NFKBIZ: variants seen among roughly 807,000 people sequenced by gnomAD.
The protein encoded by NFKBIZ is NF-kappa-B inhibitor zeta.
Under a neutral mutation model 76.8 loss-of-function variants are expected in NFKBIZ, and 19 were observed. That is an observed-to-expected ratio of 0.25 (90% CI 0.17 to 0.36). NFKBIZ has a LOEUF of 0.36. Among genes scored for constraint, NFKBIZ ranks in the 10% least tolerant of loss-of-function variants. The pLI is 1.00. For missense variants in NFKBIZ, 829 were observed against 910.9 expected (o/e 0.91, Z 1.16); for synonymous variants, 368 against 354.8 (o/e 1.04, Z -0.42).
Position 101,857,079 on chromosome 3 carries a change from A to T in NFKBIZ, c.1831A>T (p.Lys611Ter). Residue 611 changes from lysine (K) to a stop codon, truncating the protein, a stop_gained, in exon 10 of 12, where the codon AAA (lysine) becomes TAA (stop). Transcript: ENST00000326172. LOFTEE classifies it high-confidence loss of function. ...CCCTCTTGCCTTTGACAAGGATCGC[A>T]AAAGTGGCCGCACAGCCCTGCATTT... ...MGAAVEAKDRKSGRTALHLAA... is the reference protein window; with the variant it reads ...MGAAVEAKDR The T allele has an allele frequency of 6.2e-7, 1 of 1,607,918 alleles. No individual in the cohort carries two copies. Among genetic ancestry groups the T allele is most frequent in the South Asian group, 1.1e-5 (1 of 90,178 alleles).
chr3:101,845,085 G>A (rs1942831249), upstream of NFKBIZ, among the ~76,000 whole-genome samples: 1 of 151,834 alleles, frequency 6.6e-6, no homozygotes, highest in Non-Finnish European at 1.5e-5. Flanking sequence ...TGGCTGACAC[G>A]GTGAAACCCC....
In NFKBIZ at chr3:101,852,143, A is replaced by G; in HGVS notation, c.348A>G (p.Val116=). 6.2e-7 allele frequency: 1 copy of G among 1,614,240 alleles called. No homozygotes were observed. The highest frequency in any genetic ancestry group is 8.5e-7 in the Non-Finnish European group (1 of 1,180,052). Residue 116 remains valine (V), a synonymous_variant, in exon 2 of 12, where the codon GTA becomes GTG. Coordinates refer to ENST00000326172, the MANE Select transcript of NFKBIZ (RefSeq NM_031419.4). ...QQRGPFQGVR[V]KNSVKELLLH... ...GAGGCCCCTTTCAAGGTGTTCGGGT[A>G]AAGAACTCAGTGAAGGAACTCCTGT...
intron 2 of NFKBIZ, among the ~76,000 whole-genome samples, chr3:101,831,545 G>A (rs1027546442): frequency 5.3e-5 from 8 of 151,974 alleles, no homozygotes; most frequent in East Asian, 1.9e-4. Context: ...GGGGAACAAC[G>A]TTTTTAGTTT....
At chr3:101,852,320 C>T (rs1293561465) in intron 2 of NFKBIZ, 96 bp downstream of exon 2, 1 of 1,431,276 alleles carries the variant, frequency 7.0e-7, no homozygotes, top group South Asian at 1.3e-5. Context: ...TCAAGTAAGT[C>T]ACTTGAAATT....
intron 2 of NFKBIZ, among the ~76,000 whole-genome samples, chr3:101,834,699 A>G (rs1375582826): frequency 1.3e-5 from 2 of 152,120 alleles, no homozygotes; most frequent in African/African-American, 4.8e-5. Context: ...TTGCCTATAG[A>G]TTAAATGTGT....
chr3:101,854,101 A>T (rs1270567338), intron 5 of NFKBIZ, among the ~76,000 whole-genome samples: 1 of 152,176 alleles, frequency 6.6e-6, no homozygotes, highest in African/African-American at 2.4e-5. Flanking sequence ...AAATATCTGT[A>T]TCTTCTTGAT....
intron 2 of NFKBIZ, 139 bp downstream of exon 2, chr3:101,852,363 AC>A: frequency 9.2e-7 from 1 of 1,092,554 alleles, no homozygotes; most frequent in Non-Finnish European, 1.3e-6. Context: ...TAGGACAGAG[AC>A]CATATTTGTC....
In NFKBIZ at chr3:101,834,521, C is replaced by T. The variant is rs142217117; in HGVS notation, c.-12+4833C>T. Among the ~76,000 whole-genome samples, 1,026 of 152,184 alleles carry T rather than the reference C, an allele frequency of 6.7e-3. 10 individuals are homozygous for T. The highest frequency in any genetic ancestry group is 0.023 in the African/African-American group (957 of 41,512). On this transcript the variant is annotated intron_variant, in intron 2 of 12. Transcript: ENST00000394054. ...GACTACAGGCACCCGCCACCACGCCCGGCTAATTTTTGTATTTTTAGAAGA... is the reference window on the plus strand; with the variant it reads ...GACTACAGGCACCCGCCACCACGCCTGGCTAATTTTTGTATTTTTAGAAGA...
chr3:101,841,179 A>T (rs1345491262), intron 2 of NFKBIZ, among the ~76,000 whole-genome samples: 1 of 152,178 alleles, frequency 6.6e-6, no homozygotes, highest in African/African-American at 2.4e-5. Flanking sequence ...TTTGCTGCAA[A>T]CAGGACCTAG....
intron 2 of NFKBIZ, among the ~76,000 whole-genome samples, chr3:101,842,938 C>T (rs1188224686): frequency 7.0e-6 from 1 of 142,226 alleles, no homozygotes; most frequent in Non-Finnish European, 1.5e-5. Flanking sequence ...TTTGAGTTGA[C>T]TGATAGGACA....
intron 2 of NFKBIZ, among the ~76,000 whole-genome samples, chr3:101,830,196 C>T (rs1942629932): frequency 6.6e-6 from 1 of 152,164 alleles, no homozygotes; most frequent in African/African-American, 2.4e-5. Flanking sequence ...ATATTTACTG[C>T]CGCTGATGGA....
rs1324943103 is a variant in NFKBIZ at position 101,857,080 on chromosome 3, A to G, written c.1832A>G (p.Lys611Arg). Reference protein sequence around the residue: ...MGAAVEAKDRKSGRTALHLAA... With the variant: ...MGAAVEAKDRRSGRTALHLAA... ...CCTCTTGCCTTTGACAAGGATCGCA[A>G]AAGTGGCCGCACAGCCCTGCATTTG... is the stretch of plus-strand genomic sequence containing the variant. Residue 611 changes from lysine (K) to arginine (R), a missense_variant, in exon 10 of 12, where the codon AAA becomes AGA. Around this residue, in one of 4 missense-constraint regions of NFKBIZ, gnomAD observed 272 missense variants for 384.2 expected, o/e 0.71. Transcript: ENST00000326172. The G allele has an allele frequency of 6.8e-6, 11 of 1,608,928 alleles. No homozygotes were observed. The Admixed American group carries it at 8.4e-5, about 12-fold the overall frequency.
chr3:101,836,486 A>G (rs1942721906), intron 2 of NFKBIZ, among the ~76,000 whole-genome samples: 1 of 152,160 alleles, frequency 6.6e-6, no homozygotes, highest in Non-Finnish European at 1.5e-5. Flanking sequence ...TCCCAGTAGA[A>G]TGTAAGCTCT....
chr3:101,851,794 TAGAG>T (rs1343578827), intron 1 of NFKBIZ, among the ~76,000 whole-genome samples: 3 of 152,096 alleles, frequency 2.0e-5, no homozygotes, highest in East Asian at 1.9e-4. Context: ...AGCTGAGAGA[TAGAG>T]AGGCTTAATT....
At chr3:101,854,006 C>A (rs1382763290) in intron 5 of NFKBIZ, 143 bp downstream of exon 5, 1 of 806,104 alleles carries the variant, frequency 1.2e-6, no homozygotes, top group Admixed American at 2.9e-5. Flanking sequence ...TAGAAACCGC[C>A]ACTCAGTGAT....
rs971827589 is a variant in NFKBIZ, at chr3:101,837,595, C to T, written c.-12+7907C>T. Among the ~76,000 whole-genome samples, 18 of 151,140 alleles carry T rather than the reference C, an allele frequency of 1.2e-4. 1 individual carries two copies. ...CATGCCATACCTGTCAGGTGGAAAACACAGGGTTGAGAATCACAGAAGAAA... is the reference window on the plus strand; with the variant it reads ...CATGCCATACCTGTCAGGTGGAAAATACAGGGTTGAGAATCACAGAAGAAA... On this transcript the variant is annotated intron_variant, in intron 2 of 12. Coordinates refer to the NFKBIZ transcript ENST00000394054.
At chr3:101,855,933 TA>T in intron 9 of NFKBIZ, 31 bp downstream of exon 9, 1 of 1,568,172 alleles carries the variant, frequency 6.4e-7, no homozygotes, top group Admixed American at 1.9e-5. Context: ...TAAGATGGGG[TA>T]GGGGAGAAAC....
In NFKBIZ at chr3:101,860,850, G is replaced by A. The variant is rs564925367; in HGVS notation, c.*1479G>A. The A allele has an allele frequency of 6.7e-6, 1 of 148,574 alleles. No homozygotes were observed. The highest frequency in any genetic ancestry group is 2.5e-5 in the African/African-American group (1 of 40,354). The allele number at this position is 148,574 out of a possible 1,614,324, so 9.2% of individuals were successfully genotyped here. ...TTAGTGAACTTATCTTTGCAGCTGA[G>A]TACTTAAATTCTTTTTAAAAAGATA... On this transcript the variant is annotated 3_prime_UTR_variant, in exon 12 of 12. Transcript: ENST00000326172.
chr3:101,853,395 C>G lies in NFKBIZ; in HGVS notation c.869C>G (p.Ser290Cys). 1 of 1,614,158 alleles carries G rather than the reference C, an allele frequency of 6.2e-7. No individual in the cohort carries two copies. Among genetic ancestry groups the G allele is most frequent in the Non-Finnish European group, 8.5e-7 (1 of 1,180,032 alleles). The change falls in exon 5 of 12, where the codon TCT becomes TGT. Residue 290 changes from serine to cysteine, a missense_variant. Ser to Cys is a moderately radical substitution (Grantham distance 112, BLOSUM62 -1). Around this residue, in one of 4 missense-constraint regions of NFKBIZ, gnomAD observed 371 missense variants for 332.3 expected, o/e 1.12. Transcript: ENST00000326172. ...GACCAGGCTTCCCTGTACCAGTATT[C>G]TCCACAGAACCAGCATGTAGAGCAG... ...MIDQASLYQY[S>C]PQNQHVEQQP...
Sources: allele counts gnomAD v4.1 joint callset (sites outside exome capture counted in the v4.1 genomes callset), GRCh38; gene constraint gnomAD v4.1.1; regional missense constraint gnomAD v4.1.1; transcripts MANE v1.5; gene names NCBI Gene and HGNC (gene_info 2026-07-23, HGNC 2026-07-21).